Variants in SLFN5 observed in about 807,000 individuals in gnomAD.
The protein encoded by SLFN5 is schlafen family member 5.
A neutral mutation model predicts 48.5 loss-of-function variants in SLFN5; 34 were observed. The observed-to-expected ratio is 0.70, with a 90% CI of 0.53 to 0.93. The LOEUF is 0.93. Ranked by LOEUF, SLFN5 falls within the 40% of genes least tolerant of loss-of-function variation. The probability of loss-of-function intolerance (pLI) is 0.00; values close to 1 mark genes in which losing one functional copy is unlikely to be tolerated. For synonymous variants in SLFN5, 387 were observed against 396.2 expected (o/e 0.98, Z 0.28); for missense variants, 1,006 against 1,071.3 (o/e 0.94, Z 0.85).
In SLFN5 at chr17:35,252,352, G is replaced by A. The variant is rs548374007; in HGVS notation, c.-40-6299G>A. On this transcript the variant is annotated intron_variant, in intron 1 of 4. Coordinates refer to ENST00000299977, the MANE Select transcript of SLFN5 (RefSeq NM_144975.4). ...AGGCTAAGGCAGGAGGATAGCTTGA[G>A]CCTAAGAGTTCAAGGCTATAGTGAG... Among the ~76,000 whole-genome samples, 4 of 152,238 alleles carry A rather than the reference G, an allele frequency of 2.6e-5. No homozygotes were observed. The South Asian group carries it at 6.2e-4, about 24-fold the overall frequency.
intron 3 of SLFN5, among the ~76,000 whole-genome samples, chr17:35,263,697 C>T (rs575211773): frequency 3.3e-5 from 5 of 151,764 alleles, no homozygotes; most frequent in Non-Finnish European, 7.4e-5. Context: ...GTGGCACACG[C>T]CTTTGGTCCC....
chr17:35,255,315 T>C (rs2092451702), intron 1 of SLFN5, among the ~76,000 whole-genome samples: 1 of 152,250 alleles, frequency 6.6e-6, no homozygotes, highest in South Asian at 2.1e-4. Flanking sequence ...TTTCTTTAAT[T>C]CTGCCTTTGG....
At chr17:35,260,178 C>T (rs1263417606) in intron 2 of SLFN5, among the ~76,000 whole-genome samples, 1 of 152,160 alleles carries the variant, frequency 6.6e-6, no homozygotes, top group Non-Finnish European at 1.5e-5. Flanking sequence ...CAAAATATGA[C>T]CAAATCACGG....
rs144888815 is a variant in SLFN5 at position 35,261,071 on chromosome 17, A to G, written c.1113A>G (p.Lys371=). Residue 371 remains lysine (K), a synonymous_variant, in exon 3 of 5, where the codon AAA becomes AAG. Coordinates refer to ENST00000299977, the MANE Select transcript of SLFN5 (RefSeq NM_144975.4). Reference sequence around the variant, plus strand: ...TTCATAAGAATTCGGAATGTCTGAAAGAGCAGCAGAAACGCTACTTTCCAG... The same window carrying G: ...TTCATAAGAATTCGGAATGTCTGAAGGAGCAGCAGAAACGCTACTTTCCAG... ...VCIHKNSECL[K]EQQKRYFPVF... is the part of the protein sequence containing the mutation. The G allele has an allele frequency of 9.2e-5, 149 of 1,613,736 alleles. 1 individual carries two copies. In the African/African-American group the frequency reaches 1.9e-3, roughly 20 times the overall value.
chr17:35,255,172 A>G (rs1252192420), intron 1 of SLFN5, among the ~76,000 whole-genome samples: 1 of 152,218 alleles, frequency 6.6e-6, no homozygotes, highest in Non-Finnish European at 1.5e-5. Context: ...AAAAAGGATT[A>G]ATGATGTTAA....
chr17:35,261,224 C>A, intron 3 of SLFN5, 128 bp downstream of exon 3: 1 of 1,070,908 alleles, frequency 9.3e-7, no homozygotes, highest in Non-Finnish European at 1.3e-6. Context: ...AAAGCCAAAC[C>A]TTTAAAACTT....
Position 35,264,429 on chromosome 17 carries a change from G to T in SLFN5, c.1385G>T (p.Gly462Val). Residue 462 changes from glycine (G) to valine (V), a missense_variant, in exon 4 of 5, where the codon GGG (glycine) becomes GTG (valine). Coordinates refer to ENST00000299977, the MANE Select transcript of SLFN5 (RefSeq NM_144975.4). The part of the protein sequence containing the change: ...LYTIFSKWDA[G>V]CKGYSMIVAY... The stretch of plus-strand genomic sequence containing the variant: ...ACCATCTTCAGCAAGTGGGATGCGG[G>T]GTGCAAGGGCTATTCTATGATAGTT... The T allele has an allele frequency of 1.2e-6, 2 of 1,614,140 alleles. No individual in the cohort carries two copies. The highest frequency in any genetic ancestry group is 4.5e-5 in the East Asian group (2 of 44,890).
intron 1 of SLFN5, among the ~76,000 whole-genome samples, chr17:35,257,597 G>C (rs144341982): frequency 6.6e-6 from 1 of 151,948 alleles, no homozygotes; most frequent in East Asian, 1.9e-4. Context: ...AGTTACTATG[G>C]AGCAAGCTGA....
chr17:35,248,284 A>G (rs1382700073), intron 1 of SLFN5, among the ~76,000 whole-genome samples: 1 of 152,208 alleles, frequency 6.6e-6, no homozygotes, highest in African/African-American at 2.4e-5. Flanking sequence ...AAGATTTCTC[A>G]GGATGAATGG....
In SLFN5 at chr17:35,264,886, C is replaced by T. The variant is rs545559976; in HGVS notation, c.1842C>T (p.Pro614=). Residue 614 remains proline (P), a synonymous_variant, in exon 4 of 5, where the codon CCC becomes CCT. Coordinates refer to ENST00000299977, the MANE Select transcript of SLFN5 (RefSeq NM_144975.4). ...ANILYICENQ[P]LKKLVSFSKK... ...TTCTCTACATCTGTGAAAACCAGCC[C>T]CTGAAGAAGTTGGTGAGGTATGCTG... 1 of 1,561,774 alleles carries T rather than the reference C, an allele frequency of 6.4e-7. No homozygotes were observed. Among genetic ancestry groups the T allele is most frequent in the Non-Finnish European group, 8.6e-7 (1 of 1,160,896 alleles).
At chr17:35,243,532 G>T (rs1222411488) in intron 1 of SLFN5, among the ~76,000 whole-genome samples, 2 of 152,230 alleles carry the variant, frequency 1.3e-5, no homozygotes. Context: ...ATGGGTTGTG[G>T]CCTGGGGACA....
In SLFN5 at chr17:35,266,084, A is replaced by G. The variant is rs185654371; in HGVS notation, c.*196A>G. On this transcript the variant is annotated 3_prime_UTR_variant, in exon 5 of 5. Transcript: ENST00000299977. The stretch of plus-strand genomic sequence containing the variant: ...ACCACTGACAAATACACAGATAGAC[A>G]AGGAATTTCCCATGGTAAAAAGGGA... The G allele has an allele frequency of 1.7e-6, 1 of 584,166 alleles. No homozygotes were observed. Among genetic ancestry groups the G allele is most frequent in the East Asian group, 2.9e-5 (1 of 34,538 alleles). The allele number at this position is 584,166 out of a possible 1,614,324, so 36.2% of individuals were successfully genotyped here.
intron 1 of SLFN5, among the ~76,000 whole-genome samples, chr17:35,248,069 C>T (rs116080545): frequency 6.6e-6 from 1 of 152,184 alleles, no homozygotes; most frequent in Non-Finnish European, 1.5e-5. Context: ...TGGTCAACAG[C>T]TCTCATGGGG....
At position 35,269,721 on chromosome 17, in the gene SLFN5, T is replaced by C. The variant is rs1904786972; in HGVS notation, c.*3833T>C. On this transcript the variant is annotated 3_prime_UTR_variant, in exon 5 of 5. Transcript: ENST00000299977. Reference sequence around the variant, plus strand: ...TACCGTACTCAACTCTTAGCTAGCATAGGGCAGGTTCCTTAGTTGAAAAAT... The same window carrying C: ...TACCGTACTCAACTCTTAGCTAGCACAGGGCAGGTTCCTTAGTTGAAAAAT... 6.6e-6 allele frequency: 1 copy of C among 152,188 alleles called. No individual in the cohort carries two copies. The highest frequency in any genetic ancestry group is 1.5e-5 in the Non-Finnish European group (1 of 68,028). 9.4% of individuals were successfully genotyped at this position (152,188 alleles called of 1,614,324 possible).
chr17:35,246,550 TA>T (rs1232724138), intron 1 of SLFN5, among the ~76,000 whole-genome samples: 1 of 152,158 alleles, frequency 6.6e-6, no homozygotes, highest in African/African-American at 2.4e-5. Flanking sequence ...ATATATCATT[TA>T]AAAAAATTTA....
chr17:35,247,725 C>T (rs975329114), intron 1 of SLFN5, among the ~76,000 whole-genome samples: 6 of 152,132 alleles, frequency 3.9e-5, no homozygotes, highest in Admixed American at 2.6e-4. Context: ...TGTTTAAAAG[C>T]GGTTTGTCCG....
Position 35,266,175 on chromosome 17 carries a change from T to TGCGCGC in SLFN5, c.*288_*289insCGCGCG, listed in dbSNP as rs1280248406. ...GTGTGTGTGTGTGTGTGTGTGTGTG[T>TGCGCGC]GTGCGCGCGCGCACGTGCACATGTG... On this transcript the variant is annotated 3_prime_UTR_variant, in exon 5 of 5. Transcript: ENST00000299977. 21 of 200,958 alleles carry TGCGCGC rather than the reference T, an allele frequency of 1.0e-4. No homozygotes were observed. Among genetic ancestry groups the TGCGCGC allele is most frequent in the African/African-American group, 3.0e-4 (10 of 33,692 alleles). The allele number at this position is 200,958 out of a possible 1,614,324, so 12.4% of individuals were successfully genotyped here.
At chr17:35,250,520 C>T (rs962933863) in intron 1 of SLFN5, among the ~76,000 whole-genome samples, 1 of 152,070 alleles carries the variant, frequency 6.6e-6, no homozygotes, top group Non-Finnish European at 1.5e-5. Context: ...ATTAGCCAGG[C>T]GTGGTGGCGG....
At chr17:35,257,008 G>A (rs1385925176) in intron 1 of SLFN5, among the ~76,000 whole-genome samples, 1 of 152,138 alleles carries the variant, frequency 6.6e-6, no homozygotes, top group African/African-American at 2.4e-5. Flanking sequence ...GCATGTGAGG[G>A]ATCTAGGCTG....
Sources: allele counts gnomAD v4.1 joint callset (sites outside exome capture counted in the v4.1 genomes callset), GRCh38; gene constraint gnomAD v4.1.1; transcripts MANE v1.5; gene names NCBI Gene and HGNC (gene_info 2026-07-23, HGNC 2026-07-21).